CHD8: variants seen among roughly 807,000 people sequenced by gnomAD.
CHD8 encodes the protein ATP-dependent chromatin remodeler CHD8.
Under a neutral mutation model 279.2 loss-of-function variants are expected in CHD8, and 31 were observed. That is an observed-to-expected ratio of 0.11 (90% confidence interval 0.08 to 0.15). The LOEUF (loss-of-function observed/expected upper bound fraction) is 0.15. Ranked by LOEUF, CHD8 falls within the 10% of genes least tolerant of loss-of-function variation. CHD8 has a pLI of 1.00. For synonymous variants in CHD8, 1,081 were observed against 1,139.6 expected, an observed-to-expected ratio of 0.95 and a Z score of 1.04; for missense variants, 2,146 against 3,230.5, an observed-to-expected ratio of 0.66 and a Z score of 8.14.
intron 1 of CHD8, among the ~76,000 whole-genome samples, chr14:21,452,294 C>A (rs1890275093): frequency 6.6e-6 from 1 of 151,158 alleles, no homozygotes; most frequent in Non-Finnish European, 1.5e-5. Flanking sequence ...GGATTACAGG[C>A]GTGAGCCACT....
At chr14:21,411,447 A>T (rs900305607) in intron 10 of CHD8, among the ~76,000 whole-genome samples, 1 of 152,214 alleles carries the variant, frequency 6.6e-6, no homozygotes, top group African/African-American at 2.4e-5. Context: ...AGAGGAAAGA[A>T]TTTAACTCAG....
chr14:21,392,686 G>A lies in CHD8; in HGVS notation c.6592C>T (p.Leu2198=). ...CCAGGAGTCAATGAGGGACTGTCTA[G>A]CAAGTGGTTGCCTGGCCCCAAAATT... ...GGILGPGNHL[L]DSPSLTPGEY... The change falls in exon 34 of 38, where the codon CTA becomes TTA. Residue 2198 remains leucine, a synonymous_variant. Transcript: ENST00000646647. 3 of 1,614,014 alleles carry A rather than the reference G, an allele frequency of 1.9e-6. No homozygotes were observed. The South Asian group carries it at 3.3e-5, about 18-fold the overall frequency.
At position 21,426,165 on chromosome 14, in the gene CHD8, G is replaced by A. The variant is rs769523871; in HGVS notation, c.1679C>T (p.Ala560Val). Residue 560 changes from alanine to valine, a missense_variant, in exon 5 of 38, where the codon GCA becomes GTA. Ala to Val is a moderately conservative substitution (Grantham distance 64). Around this residue, in one of 26 missense-constraint regions of CHD8, gnomAD observed 123 missense variants for 169.2 expected, o/e 0.73. Transcript: ENST00000646647. ...TTCTTCATCTTCTCGAGGTGACTGT[G>A]CAGGCATGACTTCCACATCTGAATT... ...SDNSDVEVMP[A>V]QSPREDEESS... is the part of the protein sequence containing the mutation. 1.2e-6 allele frequency: 2 copies of A among 1,611,320 alleles called. No homozygotes were observed. Among genetic ancestry groups the A allele is most frequent in the Admixed American group, 1.7e-5 (1 of 59,954 alleles).
At chr14:21,413,032 AG>A in intron 9 of CHD8, 36 bp from the exon 10 acceptor site, 1 of 1,282,084 alleles carries the variant, frequency 7.8e-7, no homozygotes, top group Non-Finnish European at 1.1e-6. Context: ...TAAGACCAAA[AG>A]ATCACTGTCC....
intron 27 of CHD8, 118 bp downstream of exon 27, chr14:21,397,705 C>T: frequency 9.5e-7 from 1 of 1,052,986 alleles, no homozygotes; most frequent in Non-Finnish European, 1.4e-6. Context: ...CCTATTTTTG[C>T]TAAGGATCTA....
In CHD8 at chr14:21,394,179, G is replaced by A. The variant is rs1344460561; in HGVS notation, c.5616C>T (p.Asn1872=). 6.2e-7 allele frequency: 1 copy of A among 1,607,524 alleles called. No homozygotes were observed. Among genetic ancestry groups the A allele is most frequent in the Non-Finnish European group, 8.5e-7 (1 of 1,175,580 alleles). The change falls in exon 32 of 38, where the codon AAC becomes AAT. Residue 1872 remains asparagine (N), a synonymous_variant. Transcript: ENST00000646647. The part of the protein sequence containing the change: ...PAAGDEPPDP[N]LFIEPITEER... ...CCTCAGTGATGGGCTCAATGAACAG[G>A]TTAGGGTCGGGGGGTTCTGCAAGAG...
chr14:21,388,727 T>G (rs142206160), intron 37 of CHD8, among the ~76,000 whole-genome samples: 2,002 of 152,138 alleles, frequency 0.013, 47 homozygotes, highest in African/African-American at 0.047. Context: ...CAAGTGATCC[T>G]CTTGCCTCAG....
In CHD8 at chr14:21,426,171, A is replaced by T. The variant is rs777959738; in HGVS notation, c.1673T>A (p.Met558Lys). ...ATCTTCTCGAGGTGACTGTGCAGGCATGACTTCCACATCTGAATTATCAGA... is the reference window on the plus strand; with the variant it reads ...ATCTTCTCGAGGTGACTGTGCAGGCTTGACTTCCACATCTGAATTATCAGA... ...TSSDNSDVEV[M>K]PAQSPREDEE... The change falls in exon 5 of 38, where the codon ATG becomes AAG. Residue 558 changes from methionine (M) to lysine (K), a missense_variant. By Grantham distance (95) the Met-to-Lys change is moderately conservative. Transcript: ENST00000646647. 6.2e-7 allele frequency: 1 copy of T among 1,612,554 alleles called. No homozygotes were observed. Among genetic ancestry groups the T allele is most frequent in the Non-Finnish European group, 8.5e-7 (1 of 1,178,736 alleles).
Position 21,395,043 on chromosome 14 carries a change from T to C in CHD8, c.5259A>G (p.Val1753=). Residue 1753 remains valine, a synonymous_variant, in exon 30 of 38, where the codon GTA becomes GTG. Coordinates refer to ENST00000646647, the MANE Select transcript of CHD8 (RefSeq NM_001170629.2). ...SALTARLRRL[V]TAYQRSYKRE... The stretch of plus-strand genomic sequence containing the variant: ...TCTTGTAGCTGCGCTGATACGCTGT[T>C]ACTAGACGCCGAAGCCTAGCTGTTA... 6.2e-7 allele frequency: 1 copy of C among 1,614,054 alleles called. No homozygotes were observed. Among genetic ancestry groups the C allele is most frequent in the East Asian group, 2.2e-5 (1 of 44,886 alleles).
intron 3 of CHD8, among the ~76,000 whole-genome samples, chr14:21,428,673 T>G (rs1889433590): frequency 6.6e-6 from 1 of 152,214 alleles, no homozygotes; most frequent in Non-Finnish European, 1.5e-5. Context: ...ATTTAAAGGA[T>G]ATCACAAATC....
Position 21,386,149 on chromosome 14 carries a change from G to T in CHD8, c.7210C>A (p.Arg2404=). 6.4e-7 allele frequency: 1 copy of T among 1,552,112 alleles called. No individual in the cohort carries two copies. Among genetic ancestry groups the T allele is most frequent in the African/African-American group, 1.4e-5 (1 of 73,124 alleles). The change falls in exon 38 of 38, where the codon CGG becomes AGG. Residue 2404 remains arginine (R), a synonymous_variant. Coordinates refer to ENST00000646647, the MANE Select transcript of CHD8 (RefSeq NM_001170629.2). ...GGTGCAATAGGCCCTGGCAAAACCC[G>T]GTTGAACACCGTTTCAGTGTGATGA... ...KGHHTETVFN[R]VLPGPIAPES...
In CHD8 at chr14:21,400,131, T is replaced by C. The variant is rs1555314231; in HGVS notation, c.4727+20A>G. The C allele has an allele frequency of 2.5e-6, 4 of 1,613,816 alleles. No homozygotes were observed. In the Admixed American group the frequency reaches 6.7e-5, roughly 27 times the overall value. On this transcript the variant is annotated intron_variant, in intron 24 of 37. Coordinates refer to ENST00000646647, the MANE Select transcript of CHD8 (RefSeq NM_001170629.2). This position sits in a 1 kb window ranked among gnomAD's most constrained non-coding sequence, Gnocchi z 4.2. Reference sequence around the variant, plus strand: ...CTGTAGAAGTTTGAGGTGGAAAATGTCTGCTAATTCTATGCTTACTTGTTA... The same window carrying C: ...CTGTAGAAGTTTGAGGTGGAAAATGCCTGCTAATTCTATGCTTACTTGTTA...
intron 10 of CHD8, among the ~76,000 whole-genome samples, chr14:21,411,400 G>A (rs753864373): frequency 1.3e-5 from 2 of 152,174 alleles, no homozygotes; most frequent in Non-Finnish European, 2.9e-5. Flanking sequence ...GAGTGAACCT[G>A]AAGACTTATA....
Position 21,393,887 on chromosome 14 carries a change from C to T in CHD8, c.5908G>A (p.Ala1970Thr), listed in dbSNP as rs369811505. ...GACAAGGATGGAGCTGGTGCTCCTGCTTGATGGTTCTGCATATAATTCATA... is the reference window on the plus strand; with the variant it reads ...GACAAGGATGGAGCTGGTGCTCCTGTTTGATGGTTCTGCATATAATTCATA... ...ARMNYMQNHQ[A>T]GAPAPSLSRC... Residue 1970 changes from alanine (A) to threonine (T), a missense_variant, in exon 32 of 38, where the codon GCA (alanine) becomes ACA (threonine). This residue lies in a region of CHD8 where 513 missense variants were observed against 637.6 expected (regional missense o/e 0.80). Coordinates refer to ENST00000646647, the MANE Select transcript of CHD8 (RefSeq NM_001170629.2). The T allele has an allele frequency of 4.3e-6, 7 of 1,613,848 alleles. No homozygotes were observed. In the African/African-American group the frequency reaches 8.0e-5, roughly 18 times the overall value.
chr14:21,415,325 A>T (rs59961991), intron 7 of CHD8: 2 of 341,254 alleles, frequency 5.9e-6, no homozygotes, highest in Non-Finnish European at 1.0e-5. Context: ...TGAACATAGC[A>T]TTACGGGTTA....
intron 1 of CHD8, among the ~76,000 whole-genome samples, chr14:21,452,352 A>G (rs536150291): frequency 5.3e-5 from 8 of 152,150 alleles, no homozygotes; most frequent in African/African-American, 1.4e-4. Flanking sequence ...TAGGTAAAAG[A>G]AAACTTCAGG....
chr14:21,428,390 A>G, intron 3 of CHD8, 136 bp from the exon 4 acceptor site: 2 of 750,652 alleles, frequency 2.7e-6, no homozygotes, highest in East Asian at 5.4e-5. Context: ...ATCTTATTGA[A>G]CCTACACCTA....
chr14:21,443,721 TG>T (rs1566454907), intron 1 of CHD8, among the ~76,000 whole-genome samples: 1 of 151,104 alleles, frequency 6.6e-6, no homozygotes, highest in Non-Finnish European at 1.5e-5. Context: ...CTAGGTGTGG[TG>T]GTGGGCGCCT....
rs187908001 is a variant in CHD8, at chr14:21,392,165, C to A, written c.6772-219G>T. 6 of 759,432 alleles carry A rather than the reference C, an allele frequency of 7.9e-6. No homozygotes were observed. In the African/African-American group the frequency reaches 1.0e-4, roughly 13 times the overall value. The allele number at this position is 759,432 out of a possible 1,614,324, so 47.0% of individuals were successfully genotyped here. A position where few individuals can be genotyped will look rare whatever the true frequency, so the allele number is the denominator to read the frequency against. On this transcript the variant is annotated intron_variant, in intron 34 of 37. Coordinates refer to ENST00000646647, the MANE Select transcript of CHD8 (RefSeq NM_001170629.2). Reference sequence around the variant, plus strand: ...TTCACCTAGTGCCCCTCAGCATTTACGAGAAAGAGTTTATTTCAACAACAC... The same window carrying A: ...TTCACCTAGTGCCCCTCAGCATTTAAGAGAAAGAGTTTATTTCAACAACAC...
Sources: gnomAD v4.1 joint callset for allele counts (sites outside exome capture counted in the v4.1 genomes callset) on GRCh38, gnomAD v4.1.1 for gene constraint, gnomAD v4.1.1 regional missense constraint, Gnocchi (gnomAD v3.1) non-coding constraint, MANE v1.5 for transcripts, NCBI Gene and HGNC (gene_info 2026-07-23, HGNC 2026-07-21) for gene names.